SIAE: variants seen among roughly 807,000 people sequenced by gnomAD.
SIAE encodes sialate O-acetylesterase.
SIAE carries 39 observed loss-of-function variants against 52.6 expected under a neutral mutation model. That is an observed-to-expected ratio of 0.74 (90% confidence interval 0.57 to 0.97). SIAE has a LOEUF of 0.97. Ranked by LOEUF, SIAE falls within the 50% of genes least tolerant of loss-of-function variation. SIAE has a pLI of 0.00. For missense variants in SIAE, 592 were observed against 662.1 expected, an observed-to-expected ratio of 0.89 and a Z score of 1.16; for synonymous variants, 233 against 241.4, an observed-to-expected ratio of 0.97 and a Z score of 0.32.
chr11:124,635,995 T>C lies in SIAE; in HGVS notation c.*956A>G, dbSNP rs1026804993. On this transcript the variant is annotated 3_prime_UTR_variant, in exon 10 of 10. Transcript: ENST00000263593. ...CTTTACTTTCAGCCTCACTCTTTTC[T>C]TCTTCCAAATGGATTATCCTTAAAC... The C allele has an allele frequency of 5.3e-5, 8 of 152,210 alleles. No individual in the cohort carries two copies. The highest frequency in any genetic ancestry group is 1.9e-4 in the African/African-American group (8 of 41,446). 9.4% of individuals were successfully genotyped at this position (152,210 alleles called of 1,614,324 possible).
intron 2 of SIAE, among the ~76,000 whole-genome samples, chr11:124,661,773 A>C (rs1943190086): frequency 1.3e-5 from 2 of 152,282 alleles, no homozygotes; most frequent in Admixed American, 6.5e-5. Flanking sequence ...ATATGAACTG[A>C]TTTATAATTC....
intron 9 of SIAE, 136 bp downstream of exon 9, chr11:124,638,406 C>T: frequency 1.1e-6 from 1 of 883,240 alleles, no homozygotes; most frequent in Non-Finnish European, 1.8e-6. Context: ...TGTTTATTTG[C>T]AGCTCTGAAA....
chr11:124,643,285 A>T (rs1942877610), intron 7 of SIAE, among the ~76,000 whole-genome samples: 1 of 152,194 alleles, frequency 6.6e-6, no homozygotes, highest in East Asian at 1.9e-4. Flanking sequence ...AGAGAGAATT[A>T]GAAGGTGAGG....
At chr11:124,647,290 A>G in intron 7 of SIAE, 75 bp downstream of exon 7, 2 of 1,596,236 alleles carry the variant, frequency 1.3e-6, no homozygotes, top group East Asian at 2.2e-5. Flanking sequence ...CCCCACACCA[A>G]TGCCCATAAA....
At position 124,634,635 on chromosome 11, in the gene SIAE, A is replaced by G. The variant is rs1942682624; in HGVS notation, c.*2316T>C. On this transcript the variant is annotated 3_prime_UTR_variant, in exon 10 of 10. Coordinates refer to ENST00000263593, the MANE Select transcript of SIAE (RefSeq NM_170601.5). ...TGATATTCATTACAGTATTATTTTA[A>G]TAGTAGAAAATTGTTAAAAATCTAT... 6.6e-6 allele frequency: 1 copy of G among 152,192 alleles called. No individual in the cohort carries two copies. The highest frequency in any genetic ancestry group is 2.4e-5 in the African/African-American group (1 of 41,444). The allele number at this position is 152,192 out of a possible 1,614,324, so 9.4% of individuals were successfully genotyped here. A position where few individuals can be genotyped will look rare whatever the true frequency, so the allele number is the denominator to read the frequency against.
chr11:124,638,481 G>A, intron 9 of SIAE, 61 bp downstream of exon 9: 1 of 1,559,494 alleles, frequency 6.4e-7, no homozygotes. Flanking sequence ...GGCCTCAAGT[G>A]CGGAGGAAAT....
intron 7 of SIAE, among the ~76,000 whole-genome samples, chr11:124,646,846 CTAGT>C (rs1012133203): frequency 6.6e-6 from 1 of 152,170 alleles, no homozygotes; most frequent in Non-Finnish European, 1.5e-5. Context: ...CTATAGACAG[CTAGT>C]TAAATAAACT....
chr11:124,661,551 C>T (rs1286159932), intron 2 of SIAE, among the ~76,000 whole-genome samples: 1 of 152,090 alleles, frequency 6.6e-6, no homozygotes, highest in African/African-American at 2.4e-5. Flanking sequence ...TCCCTAGAAC[C>T]ACCCCATCAC....
chr11:124,668,481 A>G (rs1410219866), intron 2 of SIAE, among the ~76,000 whole-genome samples: 1 of 152,210 alleles, frequency 6.6e-6, no homozygotes, highest in Non-Finnish European at 1.5e-5. Flanking sequence ...GTAGGCTCTC[A>G]ATAGATATTT....
At chr11:124,673,141 G>T (rs1943395021) in intron 1 of SIAE, among the ~76,000 whole-genome samples, 1 of 152,106 alleles carries the variant, frequency 6.6e-6, no homozygotes, top group African/African-American at 2.4e-5. Flanking sequence ...TGAGGGGGTT[G>T]TATTTCTTAG....
At chr11:124,652,545 T>C (rs1294287062) in intron 4 of SIAE, among the ~76,000 whole-genome samples, 2 of 151,894 alleles carry the variant, frequency 1.3e-5, no homozygotes, top group Admixed American at 6.5e-5. Flanking sequence ...AATACAAATA[T>C]TAGCTGGGCG....
In SIAE at chr11:124,636,590, C is replaced by G. The variant is rs1330976870; in HGVS notation, c.*361G>C. 3 of 321,460 alleles carry G rather than the reference C, an allele frequency of 9.3e-6. No homozygotes were observed. The highest frequency in any genetic ancestry group is 2.2e-5 in the African/African-American group (1 of 45,870). 19.9% of individuals were successfully genotyped at this position (321,460 alleles called of 1,614,324 possible). A position where few individuals can be genotyped will look rare whatever the true frequency, so the allele number is the denominator to read the frequency against. On this transcript the variant is annotated 3_prime_UTR_variant, in exon 10 of 10. Coordinates refer to ENST00000263593, the MANE Select transcript of SIAE (RefSeq NM_170601.5). ...CATGAACACTAGCTGGCCTATGTGGCCTTTAAAATCTCTTCCAATCCTGAG... is the reference window on the plus strand; with the variant it reads ...CATGAACACTAGCTGGCCTATGTGGGCTTTAAAATCTCTTCCAATCCTGAG...
chr11:124,649,597 A>C (rs955591625), intron 5 of SIAE, 22 bp downstream of exon 5: 2 of 1,613,178 alleles, frequency 1.2e-6, no homozygotes, highest in African/African-American at 2.7e-5. Context: ...GCTCTTTCTC[A>C]GACTGGAGAA....
intron 7 of SIAE, 114 bp from the exon 8 acceptor site, chr11:124,639,981 C>G (rs146590637): frequency 4.1e-6 from 5 of 1,222,764 alleles, no homozygotes; most frequent in Non-Finnish European, 5.9e-6. Flanking sequence ...TCATTCAACA[C>G]GTATTTACTG....
intron 4 of SIAE, among the ~76,000 whole-genome samples, chr11:124,652,734 G>C (rs1357969318): frequency 6.6e-6 from 1 of 150,754 alleles, no homozygotes; most frequent in African/African-American, 2.4e-5. Context: ...CAGCAGGCAG[G>C]AGAGATTCTC....
At position 124,647,479 on chromosome 11, in the gene SIAE, A is replaced by G. The variant is rs762033040; in HGVS notation, c.852T>C (p.Tyr284=). ...VWYQGESNIN[Y]NTDLYNCTFP... ...ATGTGCAATTGTACAGATCCGTGTT[A>G]TAATTTATATTGGACTCCCCTAAAA... The change falls in exon 7 of 10, where the codon TAT becomes TAC. Residue 284 remains tyrosine (Y), a synonymous_variant. Transcript: ENST00000263593. The G allele has an allele frequency of 1.4e-5, 23 of 1,614,044 alleles. No individual in the cohort carries two copies. The Admixed American group carries it at 2.2e-4, about 15-fold the overall frequency.
At chr11:124,675,620 G>A, upstream of SIAE, 1 of 511,800 alleles carries the variant, frequency 2.0e-6, no homozygotes, top group East Asian at 3.6e-5. Context: ...AAGATTACCA[G>A]TTCATTATTC....
chr11:124,655,189 T>TG (rs1555098382), intron 3 of SIAE, among the ~76,000 whole-genome samples: 1 of 150,370 alleles, frequency 6.7e-6, no homozygotes, highest in Non-Finnish European at 1.5e-5. Flanking sequence ...TTTTTTTTTT[T>TG]TGTGTGTGAG....
At chr11:124,665,378 G>A (rs1443534466) in intron 2 of SIAE, among the ~76,000 whole-genome samples, 6 of 152,212 alleles carry the variant, frequency 3.9e-5, no homozygotes, top group Non-Finnish European at 8.8e-5. Flanking sequence ...AGAAGATATA[G>A]AGGTCAGAGA....
Sources: allele counts gnomAD v4.1 joint callset (sites outside exome capture counted in the v4.1 genomes callset), GRCh38; gene constraint gnomAD v4.1.1; transcripts MANE v1.5; gene names NCBI Gene and HGNC (gene_info 2026-07-23, HGNC 2026-07-21).